Variants in ARHGAP22 observed in about 807,000 individuals in gnomAD.
The protein encoded by ARHGAP22 is rho GTPase-activating protein 22.
ARHGAP22 carries 48 observed loss-of-function variants against 59.1 expected under a neutral mutation model. That is an observed-to-expected ratio of 0.81 (90% CI 0.64 to 1.03). ARHGAP22 has a LOEUF of 1.03. ARHGAP22 is among the 50% of genes least tolerant of loss of function. The probability of loss-of-function intolerance (pLI) is 0.00; values close to 1 mark genes in which losing one functional copy is unlikely to be tolerated. For synonymous variants in ARHGAP22, 445 were observed against 416.4 expected (o/e 1.07, Z -0.84); for missense variants, 1,015 against 958.7 (o/e 1.06, Z -0.78).
intron 1 of ARHGAP22, among the ~76,000 whole-genome samples, chr10:48,610,654 C>A (rs1315790721): frequency 2.6e-5 from 4 of 152,130 alleles, no homozygotes; most frequent in African/African-American, 9.7e-5. Flanking sequence ...TAACATTTTG[C>A]TCAGGAAAGG....
intron 1 of ARHGAP22, among the ~76,000 whole-genome samples, chr10:48,592,913 G>A (rs900335827): frequency 7.9e-5 from 12 of 152,200 alleles, no homozygotes; most frequent in Admixed American, 5.2e-4. Flanking sequence ...ATCACATTGC[G>A]CCCTGTGAAA....
At chr10:48,510,151 C>G (rs543938783) in intron 3 of ARHGAP22, among the ~76,000 whole-genome samples, 8 of 152,334 alleles carry the variant, frequency 5.3e-5, no homozygotes, top group African/African-American at 1.9e-4. Context: ...ACCCAGGGCA[C>G]AGTAAGCCCT....
chr10:48,534,752 C>T (rs3851547), intron 3 of ARHGAP22, among the ~76,000 whole-genome samples: 151,161 of 152,356 alleles, frequency 0.99, 75,001 homozygotes, highest in Middle Eastern at 1. Context: ...AAATAGTAAG[C>T]GGAAAAGTCA....
At chr10:48,628,980 A>G (rs1343291483) in intron 1 of ARHGAP22, among the ~76,000 whole-genome samples, 1 of 152,160 alleles carries the variant, frequency 6.6e-6, no homozygotes, top group Non-Finnish European at 1.5e-5. Context: ...TGCTCCTTGG[A>G]GTTTATCTTG....
At chr10:48,648,084 C>A (rs1242944440) in intron 1 of ARHGAP22, among the ~76,000 whole-genome samples, 2 of 152,098 alleles carry the variant, frequency 1.3e-5, no homozygotes, top group East Asian at 1.9e-4. Flanking sequence ...TTTTGAGGTG[C>A]CGGAAATGCC....
intron 2 of ARHGAP22, among the ~76,000 whole-genome samples, chr10:48,578,392 C>T (rs1187641369): frequency 6.6e-6 from 1 of 152,134 alleles, no homozygotes; most frequent in East Asian, 1.9e-4. Flanking sequence ...CCTTTAAAAA[C>T]ATCCTCTAGT....
intron 1 of ARHGAP22, among the ~76,000 whole-genome samples, chr10:48,601,882 C>A (rs917804429): frequency 6.6e-6 from 1 of 152,186 alleles, no homozygotes; most frequent in African/African-American, 2.4e-5. Flanking sequence ...TTAAAAATAT[C>A]ATTGCATTTT....
intron 4 of ARHGAP22, among the ~76,000 whole-genome samples, chr10:48,460,922 C>G (rs952877424): frequency 3.9e-5 from 6 of 152,136 alleles, no homozygotes; most frequent in Non-Finnish European, 5.9e-5. Flanking sequence ...TATGAAGAAC[C>G]TGGAGTATTC....
chr10:48,459,157 C>T (rs2046879569), intron 5 of ARHGAP22, among the ~76,000 whole-genome samples: 1 of 148,692 alleles, frequency 6.7e-6, no homozygotes, highest in African/African-American at 2.5e-5. Flanking sequence ...CACCCAGGGG[C>T]ATCCAGGGCC....
chr10:48,618,042 G>A (rs904595563), intron 1 of ARHGAP22, among the ~76,000 whole-genome samples: 11 of 151,896 alleles, frequency 7.2e-5, no homozygotes, highest in African/African-American at 2.7e-4. Flanking sequence ...GATCATTAGA[G>A]ATTAATGTGT....
intron 2 of ARHGAP22, among the ~76,000 whole-genome samples, chr10:48,578,565 T>A (rs184599944): frequency 2.6e-5 from 4 of 152,232 alleles, no homozygotes; most frequent in Admixed American, 2.6e-4. Flanking sequence ...TGTGTGTGTG[T>A]GTTTGATCTT....
chr10:48,533,283 G>T (rs965310359), intron 3 of ARHGAP22, among the ~76,000 whole-genome samples: 29 of 150,956 alleles, frequency 1.9e-4, no homozygotes, highest in Middle Eastern at 3.5e-3. Flanking sequence ...TAGAGAAAAA[G>T]CTCTAGATCC....
chr10:48,454,681 G>A (rs886741313), intron 6 of ARHGAP22, among the ~76,000 whole-genome samples: 3 of 152,184 alleles, frequency 2.0e-5, no homozygotes, highest in Non-Finnish European at 4.4e-5. Flanking sequence ...GCCTGAGTCG[G>A]GTGTGGGGAG....
the ARHGAP22 span, chr10:48,431,209 A>G: frequency 1.2e-6 from 2 of 1,609,178 alleles, no homozygotes; most frequent in East Asian, 4.5e-5. Flanking sequence ...TATATAAGGA[A>G]GTTATGGACT....
At chr10:48,614,596 A>G (rs1308854081) in intron 1 of ARHGAP22, among the ~76,000 whole-genome samples, 4 of 152,240 alleles carry the variant, frequency 2.6e-5, no homozygotes, top group Non-Finnish European at 5.9e-5. Flanking sequence ...AGCAGCAACA[A>G]CAACAAAAAA....
chr10:48,555,341 C>T (rs1243373757), intron 3 of ARHGAP22, 122 bp downstream of exon 3: 3 of 903,818 alleles, frequency 3.3e-6, no homozygotes, highest in South Asian at 3.5e-5. Context: ...ATTTCCGAGT[C>T]ATGCCTGGAG....
chr10:48,647,255 G>A (rs2062344400), intron 1 of ARHGAP22, among the ~76,000 whole-genome samples: 1 of 152,116 alleles, frequency 6.6e-6, no homozygotes, highest in East Asian at 1.9e-4. Context: ...CTAGCTGTGC[G>A]TGGTGGTGGG....
intron 1 of ARHGAP22, among the ~76,000 whole-genome samples, chr10:48,645,145 GA>G (rs1204478395): frequency 6.6e-5 from 10 of 152,102 alleles, no homozygotes; most frequent in Admixed American, 6.5e-4. Flanking sequence ...AACAAAGACA[GA>G]AATAATCATA....
At chr10:48,539,949 C>G (rs2055769312) in intron 3 of ARHGAP22, among the ~76,000 whole-genome samples, 1 of 152,154 alleles carries the variant, frequency 6.6e-6, no homozygotes, top group South Asian at 2.1e-4. Flanking sequence ...CGTTTAACAT[C>G]CTACATGGAA....
Sources: gnomAD v4.1 joint callset for allele counts (sites outside exome capture counted in the v4.1 genomes callset) on GRCh38, gnomAD v4.1.1 for gene constraint, MANE v1.5 for transcripts, NCBI Gene and HGNC (gene_info 2026-07-23, HGNC 2026-07-21) for gene names.